MCU: variants seen among roughly 807,000 people sequenced by gnomAD.
MCU encodes mitochondrial calcium uniporter.
MCU carries 12 observed loss-of-function variants against 45.2 expected under a neutral mutation model. The observed-to-expected ratio is 0.27, with a 90% CI of 0.17 to 0.43. The LOEUF (loss-of-function observed/expected upper bound fraction) is 0.43, where lower values mean the gene tolerates loss of function less well. Among genes scored for constraint, MCU ranks in the 20% least tolerant of loss-of-function variants. The pLI is 1.00. For missense variants in MCU, 324 were observed against 436.7 expected, an observed-to-expected ratio of 0.74 and a Z score of 2.30; for synonymous variants, 160 against 165.1, an observed-to-expected ratio of 0.97 and a Z score of 0.24.
chr10:72,812,618 T>C (rs1844562494), intron 1 of MCU, among the ~76,000 whole-genome samples: 1 of 152,212 alleles, frequency 6.6e-6, no homozygotes. Flanking sequence ...TAGTGAGTAA[T>C]CTTTAGTATT....
chr10:72,734,912 C>A (rs1003008014), intron 1 of MCU, among the ~76,000 whole-genome samples: 5 of 151,896 alleles, frequency 3.3e-5, no homozygotes, highest in African/African-American at 9.7e-5. Context: ...CCCGTCTCTA[C>A]GAATAATTTT....
At chr10:72,867,248 C>T (rs545139553) in intron 4 of MCU, among the ~76,000 whole-genome samples, 99 of 151,918 alleles carry the variant, frequency 6.5e-4, no homozygotes, top group African/African-American at 2.2e-3. Context: ...AAGAGTGCTA[C>T]CCTTATGCTG....
chr10:72,878,303 G>A (rs998269876), intron 6 of MCU, among the ~76,000 whole-genome samples: 1 of 151,550 alleles, frequency 6.6e-6, no homozygotes, highest in African/African-American at 2.4e-5. Flanking sequence ...GGCATTTTTT[G>A]TAGAGCTGTG....
chr10:72,740,467 T>C (rs1044670868), intron 1 of MCU, among the ~76,000 whole-genome samples: 1 of 152,176 alleles, frequency 6.6e-6, no homozygotes, highest in Non-Finnish European at 1.5e-5. Flanking sequence ...GGAAGCTCCA[T>C]AATTTGTTAA....
At chr10:72,739,390 T>C (rs1843294804) in intron 1 of MCU, among the ~76,000 whole-genome samples, 1 of 152,254 alleles carries the variant, frequency 6.6e-6, no homozygotes, top group Non-Finnish European at 1.5e-5. Context: ...AAATCCTGTA[T>C]TGGGAATTGG....
intron 1 of MCU, among the ~76,000 whole-genome samples, chr10:72,728,474 A>G (rs1485630524): frequency 6.6e-6 from 1 of 152,252 alleles, no homozygotes; most frequent in Non-Finnish European, 1.5e-5. Context: ...CTCTAAGTTC[A>G]TGATACTTAA....
intron 4 of MCU, chr10:72,861,653 C>T: frequency 2.7e-6 from 1 of 373,436 alleles, no homozygotes; most frequent in East Asian, 8.9e-5. Context: ...AGCCGCCAGG[C>T]TAATTTTTTT....
In MCU at chr10:72,777,692, G is replaced by A. The variant is rs771937672; in HGVS notation, c.151-56667G>A. On this transcript the variant is annotated intron_variant, in intron 1 of 7. Coordinates refer to ENST00000373053, the MANE Select transcript of MCU (RefSeq NM_138357.3). ...CACAGGCAACCAAAAGCAAAAATAG[G>A]TATGGAATTACATCAAGTTAAAAAG... Among the ~76,000 whole-genome samples, 3 of 152,122 alleles carry A rather than the reference G, an allele frequency of 2.0e-5. No homozygotes were observed. In the East Asian group the frequency reaches 5.8e-4, roughly 29 times the overall value.
At chr10:72,798,427 G>T (rs996401964) in intron 1 of MCU, among the ~76,000 whole-genome samples, 1 of 152,070 alleles carries the variant, frequency 6.6e-6, no homozygotes, top group African/African-American at 2.4e-5. Flanking sequence ...AGGTAGCTGG[G>T]ATTACAGGTG....
At chr10:72,851,836 G>C (rs1044756621) in intron 2 of MCU, among the ~76,000 whole-genome samples, 1 of 152,142 alleles carries the variant, frequency 6.6e-6, no homozygotes, top group Non-Finnish European at 1.5e-5. Flanking sequence ...TTGGGGGAAG[G>C]CATATTATTT....
intron 1 of MCU, among the ~76,000 whole-genome samples, chr10:72,712,578 A>G (rs1201272613): frequency 6.6e-6 from 1 of 152,120 alleles, no homozygotes; most frequent in African/African-American, 2.4e-5. Context: ...GTAAAAGGAG[A>G]TGCGCCTTTT....
intron 1 of MCU, chr10:72,766,957 G>A (rs1012377622): frequency 6.6e-6 from 1 of 152,020 alleles, no homozygotes; most frequent in African/African-American, 2.4e-5. Flanking sequence ...CAACTTTAAC[G>A]AATTTAAACC....
At chr10:72,794,975 AAAAT>A (rs1352656637) in intron 1 of MCU, among the ~76,000 whole-genome samples, 3 of 152,186 alleles carry the variant, frequency 2.0e-5, no homozygotes, top group African/African-American at 7.2e-5. Context: ...TTGAATGAAA[AAAAT>A]GTTTATTTTT....
intron 1 of MCU, among the ~76,000 whole-genome samples, chr10:72,768,416 T>G (rs1564551127): frequency 6.6e-6 from 1 of 152,216 alleles, no homozygotes; most frequent in East Asian, 1.9e-4. Context: ...GATTTAATAT[T>G]CATGTTAGAA....
chr10:72,813,455 T>G (rs1844575807), intron 1 of MCU, among the ~76,000 whole-genome samples: 2 of 131,826 alleles, frequency 1.5e-5, no homozygotes. Flanking sequence ...TCTCTCTTTT[T>G]TTTTTTTTTT....
intron 2 of MCU, 21 bp downstream of exon 2, chr10:72,834,449 CT>C: frequency 6.3e-7 from 1 of 1,595,194 alleles, no homozygotes; most frequent in Non-Finnish European, 8.6e-7. Context: ...GCAAATCCAC[CT>C]TTTATGTCTA....
intron 1 of MCU, among the ~76,000 whole-genome samples, chr10:72,759,744 C>T (rs1012609077): frequency 6.6e-6 from 1 of 152,084 alleles, no homozygotes; most frequent in African/African-American, 2.4e-5. Context: ...GAGGAAGTGA[C>T]AGAGGTTAAA....
intron 1 of MCU, among the ~76,000 whole-genome samples, chr10:72,795,882 C>T (rs1425801572): frequency 1.3e-5 from 2 of 151,870 alleles, no homozygotes; most frequent in Admixed American, 6.6e-5. Flanking sequence ...CCTGTAATCC[C>T]GGGTACTCTG....
intron 1 of MCU, among the ~76,000 whole-genome samples, chr10:72,717,339 AACCTCT>A (rs1842967295): frequency 6.6e-6 from 1 of 151,282 alleles, no homozygotes; most frequent in African/African-American, 2.4e-5. Flanking sequence ...GGCTCACTGC[AACCTCT>A]ACCTCCCGAG....
Sources: allele counts gnomAD v4.1 joint callset (sites outside exome capture counted in the v4.1 genomes callset), GRCh38; gene constraint gnomAD v4.1.1; transcripts MANE v1.5; gene names NCBI Gene and HGNC (gene_info 2026-07-23, HGNC 2026-07-21).